Variants in MACROD2 observed in about 807,000 individuals in gnomAD.
MACROD2 encodes the protein mono-ADP ribosylhydrolase 2.
MACROD2 carries 36 observed loss-of-function variants against 70.4 expected under a neutral mutation model. That is an observed-to-expected ratio of 0.51 (90% CI 0.39 to 0.68). The LOEUF (loss-of-function observed/expected upper bound fraction) is 0.68, where lower values mean the gene tolerates loss of function less well. Ranked by LOEUF, MACROD2 falls within the 30% of genes least tolerant of loss-of-function variation. The probability of loss-of-function intolerance (pLI) is 0.00; values close to 1 mark genes in which losing one functional copy is unlikely to be tolerated. For missense variants in MACROD2, 496 were observed against 538.4 expected, an observed-to-expected ratio of 0.92 and a Z score of 0.78; for synonymous variants, 172 against 178.8, an observed-to-expected ratio of 0.96 and a Z score of 0.30.
At chr20:15,121,513 C>A (rs1236447912) in intron 5 of MACROD2, among the ~76,000 whole-genome samples, 419 of 121,926 alleles carry the variant, frequency 3.4e-3, no homozygotes, top group East Asian at 5.1e-3. Context: ...AACTCTGCCT[C>A]AAAAAAAAAA....
At chr20:15,807,214 C>T (rs1422425636) in intron 8 of MACROD2, among the ~76,000 whole-genome samples, 11 of 152,200 alleles carry the variant, frequency 7.2e-5, no homozygotes, top group African/African-American at 1.2e-4. Flanking sequence ...GCTCCAACTA[C>T]GACATAGGTC....
At chr20:14,700,761 T>C (rs1002073825) in intron 5 of MACROD2, among the ~76,000 whole-genome samples, 3 of 152,180 alleles carry the variant, frequency 2.0e-5, no homozygotes, top group African/African-American at 4.8e-5. Flanking sequence ...ATTTGGACTC[T>C]GACACAGTCA....
intron 5 of MACROD2, among the ~76,000 whole-genome samples, chr20:14,709,365 C>T (rs761162414): frequency 3.3e-5 from 5 of 152,014 alleles, no homozygotes; most frequent in Non-Finnish European, 5.9e-5. Context: ...ATCTTTTACA[C>T]ATGCTTCAAG....
At chr20:14,978,555 A>G (rs1194347870) in intron 5 of MACROD2, among the ~76,000 whole-genome samples, 1 of 151,796 alleles carries the variant, frequency 6.6e-6, no homozygotes, top group Non-Finnish European at 1.5e-5. Flanking sequence ...ATATTTTTTC[A>G]TTATTAGCCA....
intron 6 of MACROD2, among the ~76,000 whole-genome samples, chr20:15,249,433 T>TCA (rs995575029): frequency 5.8e-4 from 89 of 152,228 alleles, no homozygotes; most frequent in African/African-American, 2.1e-3. Context: ...CCAGAAAGAT[T>TCA]CACACACACA....
chr20:14,454,074 C>G (rs1347229189), intron 3 of MACROD2, among the ~76,000 whole-genome samples: 1 of 151,892 alleles, frequency 6.6e-6, no homozygotes, highest in Non-Finnish European at 1.5e-5. Flanking sequence ...AACCTTGTTC[C>G]TCTATAGCTA....
intron 3 of MACROD2, among the ~76,000 whole-genome samples, chr20:14,430,573 C>T (rs1401785704): frequency 3.9e-5 from 6 of 152,058 alleles, no homozygotes; most frequent in Admixed American, 6.6e-5. Flanking sequence ...ACACAGAGGA[C>T]GAACATATTT....
chr20:14,368,624 C>T lies in MACROD2; in HGVS notation c.272-124855C>T, dbSNP rs529598503. 2.0e-5 allele frequency among the ~76,000 whole-genome samples: 3 copies of T among 151,898 alleles called. No individual in the cohort carries two copies. In the East Asian group the frequency reaches 5.8e-4, roughly 29 times the overall value. On this transcript the variant is annotated intron_variant, in intron 3 of 17. Coordinates refer to ENST00000684519, the MANE Select transcript of MACROD2 (RefSeq NM_001351661.2). ...TCTAGAAATAAGATTTTTCCTTCTC[C>T]TCTGGGTTTACTTTTGTCCCTTGCT...
intron 6 of MACROD2, among the ~76,000 whole-genome samples, chr20:15,303,494 C>T (rs2077666570): frequency 6.6e-6 from 1 of 152,194 alleles, no homozygotes; most frequent in African/African-American, 2.4e-5. Context: ...ATCCCCTTTA[C>T]AATGGCTCTT....
chr20:14,476,099 T>C (rs1032263112), intron 3 of MACROD2, among the ~76,000 whole-genome samples: 1 of 152,178 alleles, frequency 6.6e-6, no homozygotes, highest in African/African-American at 2.4e-5. Flanking sequence ...CTGTCTGATA[T>C]ATTCTTTTGG....
At chr20:14,923,287 G>A (rs2074186090) in intron 5 of MACROD2, among the ~76,000 whole-genome samples, 1 of 152,054 alleles carries the variant, frequency 6.6e-6, no homozygotes, top group Non-Finnish European at 1.5e-5. Context: ...GCTAGATTCC[G>A]GGCTTTGTAT....
intron 3 of MACROD2, among the ~76,000 whole-genome samples, chr20:14,269,149 G>A (rs568909668): frequency 6.6e-6 from 1 of 152,290 alleles, no homozygotes; most frequent in East Asian, 1.9e-4. Flanking sequence ...GCCTTATTGT[G>A]TGTGTGGAAA....
At chr20:15,513,916 A>G (rs1260645465) in intron 8 of MACROD2, among the ~76,000 whole-genome samples, 1 of 152,236 alleles carries the variant, frequency 6.6e-6, no homozygotes, top group Non-Finnish European at 1.5e-5. Context: ...CTTTTCACCT[A>G]GTGATGTTCT....
chr20:15,910,408 G>A (rs1297903683), intron 10 of MACROD2, among the ~76,000 whole-genome samples: 1 of 151,890 alleles, frequency 6.6e-6, no homozygotes, highest in Non-Finnish European at 1.5e-5. Context: ...GTGTGTGTGT[G>A]TGTGTGTGTG....
chr20:15,031,053 C>T (rs1206419398), intron 5 of MACROD2, among the ~76,000 whole-genome samples: 1 of 152,230 alleles, frequency 6.6e-6, no homozygotes, highest in African/African-American at 2.4e-5. Flanking sequence ...TGTGAGGGAG[C>T]TCAGGGTCTG....
intron 3 of MACROD2, among the ~76,000 whole-genome samples, chr20:14,373,980 AAG>A (rs902586841): frequency 1.3e-5 from 2 of 152,286 alleles, no homozygotes; most frequent in Admixed American, 6.5e-5. Context: ...TCTGTGTAAA[AAG>A]AGATAATTTT....
At chr20:15,614,676 G>A (rs916258172) in intron 8 of MACROD2, among the ~76,000 whole-genome samples, 13 of 152,054 alleles carry the variant, frequency 8.5e-5, no homozygotes, top group Non-Finnish European at 4.4e-5. Context: ...GATTGTCATG[G>A]GAGTGAAAAT....
intron 8 of MACROD2, among the ~76,000 whole-genome samples, chr20:15,519,052 CTCTTTCCTTCCT>C (rs1212014244): frequency 1.4e-5 from 2 of 141,718 alleles, no homozygotes; most frequent in East Asian, 2.2e-4. Flanking sequence ...TGTTAACTCG[CTCTTTCCTTCCT>C]TCCTTCCTTC....
At chr20:15,489,123 G>GT (rs1568843692) in intron 7 of MACROD2, among the ~76,000 whole-genome samples, 2 of 152,148 alleles carry the variant, frequency 1.3e-5, no homozygotes, top group Non-Finnish European at 2.9e-5. Flanking sequence ...ATGTTTTGCA[G>GT]TTTTTTAAAT....
Sources: gnomAD v4.1 joint callset for allele counts (sites outside exome capture counted in the v4.1 genomes callset) on GRCh38, gnomAD v4.1.1 for gene constraint, MANE v1.5 for transcripts, NCBI Gene and HGNC (gene_info 2026-07-23, HGNC 2026-07-21) for gene names.